Variants in PIR observed in about 807,000 individuals in gnomAD.
PIR encodes the protein pirin (iron-binding nuclear protein).
In PIR, 22 loss-of-function variants were observed where a neutral mutation model predicts 24.2. The ratio of observed to expected loss-of-function variants is 0.91; its 90% CI spans 0.65 to 1.30. The LOEUF is 1.30. Ranked by LOEUF, PIR falls within the 50% of genes most tolerant of loss-of-function variation. The probability of loss-of-function intolerance (pLI) is 0.00; values close to 1 mark genes in which losing one functional copy is unlikely to be tolerated. For synonymous variants in PIR, 80 were observed against 79.6 expected, an observed-to-expected ratio of 1.00 and a Z score of -0.03; for missense variants, 220 against 220.3, an observed-to-expected ratio of 1.00 and a Z score of 0.01.
chrX:15,426,051 A>G, intron 5 of PIR, 61 bp from the exon 6 acceptor site: 1 of 743,604 alleles, frequency 1.3e-6, no homozygotes. Context: ...TCTTTCCTTC[A>G]GCTGGCCCTT....
In PIR at chrX:15,460,006, A is replaced by G. The variant is rs140457425; in HGVS notation, c.190-266T>C. On this transcript the variant is annotated intron_variant, in intron 3 of 9. Coordinates refer to ENST00000380420, the MANE Select transcript of PIR (RefSeq NM_001018109.3). ...CAACAGGTATATGAAAAGGTAGTCA[A>G]CATTGTCAGAAAAATGCAAATGAAA... Among the ~76,000 whole-genome samples the G allele has an allele frequency of 4.5e-5, 5 of 111,278 alleles. No homozygotes were observed. The East Asian group carries it at 1.4e-3, about 31-fold the overall frequency.
At chrX:15,445,984 C>T (rs1926087683) in intron 5 of PIR, among the ~76,000 whole-genome samples, 1 of 108,429 alleles carries the variant, frequency 9.2e-6, no homozygotes, top group African/African-American at 3.4e-5. Context: ...CACCCACCAC[C>T]ACGCCTGGCT....
intron 5 of PIR, 70 bp from the exon 6 acceptor site, chrX:15,426,060 T>G (rs1925307707): frequency 7.4e-6 from 5 of 677,470 alleles, no homozygotes; most frequent in Non-Finnish European, 1.2e-5. Flanking sequence ...CAGCTGGCCC[T>G]TCTGTAATAG....
chrX:15,447,657 C>T (rs73451222), intron 5 of PIR, among the ~76,000 whole-genome samples: 1,565 of 112,051 alleles, frequency 0.014, 28 homozygotes, highest in African/African-American at 0.048. Context: ...CCACTTTATT[C>T]ATATCCATAA....
chrX:15,400,235 G>T (rs891070607), intron 7 of PIR, among the ~76,000 whole-genome samples: 3 of 111,889 alleles, frequency 2.7e-5, no homozygotes, highest in Non-Finnish European at 5.6e-5. Flanking sequence ...AGAGAGGTCT[G>T]GGAGTTTAAA....
At chrX:15,484,115 C>G (rs1270492712) in intron 2 of PIR, among the ~76,000 whole-genome samples, 1 of 110,790 alleles carries the variant, frequency 9.0e-6, no homozygotes, top group Non-Finnish European at 1.9e-5. Flanking sequence ...TTATCAAGAA[C>G]TTGGAGCACT....
intron 3 of PIR, chrX:15,464,454 G>A (rs1198435850): frequency 2.7e-6 from 2 of 744,569 alleles, no homozygotes; most frequent in African/African-American, 2.3e-5. Flanking sequence ...TTACATAGAC[G>A]CTGATGAATA....
chrX:15,491,447 G>C, intron 1 of PIR, 138 bp from the exon 2 acceptor site: 1 of 363,501 alleles, frequency 2.8e-6, no homozygotes, highest in Non-Finnish European at 4.8e-6. Context: ...TGCAGGGCCT[G>C]GGTTAGGTGA....
chrX:15,409,769 A>AT (rs982479939), intron 6 of PIR, among the ~76,000 whole-genome samples: 2 of 111,499 alleles, frequency 1.8e-5, no homozygotes, highest in African/African-American at 6.5e-5. Context: ...CAATAGCTTC[A>AT]TTTTTTCTGA....
At chrX:15,441,585 T>C (rs956878821) in intron 5 of PIR, among the ~76,000 whole-genome samples, 10 of 110,852 alleles carry the variant, frequency 9.0e-5, no homozygotes, top group African/African-American at 2.3e-4. Flanking sequence ...AATCAGGGAA[T>C]GTTCGAAGGA....
intron 6 of PIR, among the ~76,000 whole-genome samples, chrX:15,414,499 A>G (rs1370020527): frequency 8.9e-6 from 1 of 112,372 alleles, no homozygotes; most frequent in Non-Finnish European, 1.9e-5. Context: ...TCTAAAACAG[A>G]AACTAGTTTA....
chrX:15,434,060 A>G (rs1389152212), intron 5 of PIR, among the ~76,000 whole-genome samples: 2 of 64,657 alleles, frequency 3.1e-5, no homozygotes, highest in African/African-American at 6.2e-5. Context: ...GAGGAGGAGG[A>G]AGGAGAAAGA....
chrX:15,482,357 T>C (rs1922553439), intron 2 of PIR, among the ~76,000 whole-genome samples: 1 of 111,822 alleles, frequency 8.9e-6, no homozygotes, highest in African/African-American at 3.3e-5. Context: ...CTTTATAAAG[T>C]TTTATTGGTA....
chrX:15,414,865 A>G (rs906022808), intron 6 of PIR, among the ~76,000 whole-genome samples: 6 of 111,916 alleles, frequency 5.4e-5, no homozygotes, highest in African/African-American at 1.9e-4. Flanking sequence ...CACCCCTGCC[A>G]AAATTGAAAC....
intron 3 of PIR, among the ~76,000 whole-genome samples, chrX:15,461,504 G>A (rs970760475): frequency 4.4e-5 from 5 of 112,655 alleles, no homozygotes; most frequent in Non-Finnish European, 9.4e-5. Flanking sequence ...AAATTGGCTG[G>A]GTGCGGTGGC....
Position 15,479,770 on chromosome X carries a change from G to A in PIR, c.148C>T (p.Pro50Ser), listed in dbSNP as rs751509679. 2 of 1,183,159 alleles carry A rather than the reference G, an allele frequency of 1.7e-6. No homozygotes were observed. The highest frequency in any genetic ancestry group is 2.3e-6 in the Non-Finnish European group (2 of 875,252). Residue 50 changes from proline (P) to serine (S), a missense_variant, in exon 3 of 10, where the codon CCA becomes TCA. Transcript: ENST00000380420. ...LLFDEFKGGR[P>S]GGFPDHPHRG... ...TGTGGATGATCAGGAAATCCTCCTGGTCTACCTCCTTTAAATTCATCAAAC... is the reference window on the plus strand; with the variant it reads ...TGTGGATGATCAGGAAATCCTCCTGATCTACCTCCTTTAAATTCATCAAAC...
At chrX:15,420,882 G>A (rs1925108779) in intron 6 of PIR, among the ~76,000 whole-genome samples, 1 of 111,236 alleles carries the variant, frequency 9.0e-6, no homozygotes, top group Non-Finnish European at 1.9e-5. Flanking sequence ...AACTGGGAAG[G>A]ATTTCCATGA....
intron 3 of PIR, among the ~76,000 whole-genome samples, chrX:15,470,500 T>C (rs1302954306): frequency 8.9e-6 from 1 of 111,818 alleles, no homozygotes; most frequent in Non-Finnish European, 1.9e-5. Flanking sequence ...TGAAAAGCTT[T>C]ATTTTATATT....
chrX:15,477,703 A>T (rs1483704108), intron 3 of PIR, among the ~76,000 whole-genome samples: 1 of 111,661 alleles, frequency 9.0e-6, no homozygotes, highest in African/African-American at 3.3e-5. Context: ...GTGGCACTAA[A>T]TACACTGTGA....
Sources: allele counts gnomAD v4.1 joint callset (sites outside exome capture counted in the v4.1 genomes callset), GRCh38; gene constraint gnomAD v4.1.1; transcripts MANE v1.5; gene names NCBI Gene and HGNC (gene_info 2026-07-23, HGNC 2026-07-21).